The following GRIN2A variants were observed in gnomAD, a reference collection of about 807,000 sequenced individuals.
GRIN2A encodes glutamate receptor ionotropic, NMDA 2A.
Under a neutral mutation model 113.4 loss-of-function variants are expected in GRIN2A, and 22 were observed. The ratio of observed to expected loss-of-function variants is 0.19; its 90% CI spans 0.14 to 0.28. The LOEUF (loss-of-function observed/expected upper bound fraction) is 0.28. GRIN2A is among the 10% of genes least tolerant of loss of function. GRIN2A has a pLI of 1.00. For synonymous variants in GRIN2A, 827 were observed against 738.4 expected (o/e 1.12, Z -1.94); for missense variants, 1,502 against 1,887.0 (o/e 0.80, Z 3.78).
intron 2 of GRIN2A, among the ~76,000 whole-genome samples, chr16:10,069,110 G>C (rs902512135): frequency 6.6e-6 from 1 of 152,060 alleles, no homozygotes; most frequent in African/African-American, 2.4e-5. Flanking sequence ...CAGAAGAGAA[G>C]TGACCTGATC....
At chr16:9,818,126 A>G (rs2042218403) in intron 10 of GRIN2A, among the ~76,000 whole-genome samples, 1 of 152,082 alleles carries the variant, frequency 6.6e-6, no homozygotes, top group Admixed American at 6.6e-5. Flanking sequence ...AAAAGGAAAC[A>G]GGAGATGTGA....
At chr16:9,928,311 T>C (rs1264824130) in intron 3 of GRIN2A, among the ~76,000 whole-genome samples, 1 of 152,134 alleles carries the variant, frequency 6.6e-6, no homozygotes, top group East Asian at 1.9e-4. Flanking sequence ...CAGGAGAGCT[T>C]TTGGCCTATA....
intron 2 of GRIN2A, among the ~76,000 whole-genome samples, chr16:10,050,192 G>C (rs2047333730): frequency 6.6e-6 from 1 of 152,140 alleles, no homozygotes; most frequent in Non-Finnish European, 1.5e-5. Context: ...AGGGAGACAA[G>C]GACTTGAAGA....
chr16:10,150,437 G>A (rs1007001218), intron 2 of GRIN2A, among the ~76,000 whole-genome samples: 3 of 152,108 alleles, frequency 2.0e-5, no homozygotes, highest in Admixed American at 6.5e-5. Flanking sequence ...CCTGTTTTCA[G>A]GAGAAAAACA....
intron 3 of GRIN2A, among the ~76,000 whole-genome samples, chr16:9,934,211 T>C (rs1044328820): frequency 6.6e-6 from 1 of 152,196 alleles, no homozygotes; most frequent in Non-Finnish European, 1.5e-5. Context: ...TGTACTATTC[T>C]TTTTTCAATA....
At chr16:9,776,027 C>T (rs917812434) in intron 11 of GRIN2A, among the ~76,000 whole-genome samples, 3 of 152,166 alleles carry the variant, frequency 2.0e-5, no homozygotes, top group East Asian at 1.9e-4. Flanking sequence ...TTTCCTGTTC[C>T]GAGGTTATGC....
chr16:9,966,623 C>T (rs2045561191), intron 2 of GRIN2A, among the ~76,000 whole-genome samples: 1 of 152,208 alleles, frequency 6.6e-6, no homozygotes, highest in African/African-American at 2.4e-5. Flanking sequence ...ATCTATATTC[C>T]TTTCGGTATA....
intron 2 of GRIN2A, among the ~76,000 whole-genome samples, chr16:10,108,818 A>G (rs1320789763): frequency 6.6e-6 from 1 of 152,204 alleles, no homozygotes; most frequent in African/African-American, 2.4e-5. Flanking sequence ...ATAGAAGCAA[A>G]AAAAGCACAT....
At chr16:10,004,049 A>T (rs1263769973) in intron 2 of GRIN2A, among the ~76,000 whole-genome samples, 2 of 152,112 alleles carry the variant, frequency 1.3e-5, no homozygotes, top group Non-Finnish European at 1.5e-5. Context: ...AGGGAATCAA[A>T]AGGGGGCTGG....
chr16:10,172,840 A>G (rs547221267), intron 2 of GRIN2A, among the ~76,000 whole-genome samples: 32 of 152,242 alleles, frequency 2.1e-4, no homozygotes, highest in Non-Finnish European at 4.6e-4. Flanking sequence ...ATAACCTTAT[A>G]ATGTCTCATT....
At chr16:10,179,720 CACAGCCTACTTCTCAGTTTTCTG>C (rs914057128) in intron 2 of GRIN2A, 2 of 515,204 alleles carry the variant, frequency 3.9e-6, no homozygotes, top group African/African-American at 3.8e-5. Flanking sequence ...ACCACCACCC[CACAGCCTACTTCTCAGTTTTCTG>C]AGCGCTTCCT....
intron 10 of GRIN2A, among the ~76,000 whole-genome samples, chr16:9,806,249 ATTTTGAGTTTTC>A (rs1317542964): frequency 6.6e-6 from 1 of 152,172 alleles, no homozygotes; most frequent in Non-Finnish European, 1.5e-5. Context: ...AACTTCTGCC[ATTTTGAGTTTTC>A]TTTTGTGGTT....
chr16:9,810,588 G>T (rs2042067680), intron 10 of GRIN2A, among the ~76,000 whole-genome samples: 1 of 152,174 alleles, frequency 6.6e-6, no homozygotes. Flanking sequence ...CCTGGAGATG[G>T]AGGCAGAGAT....
chr16:10,160,435 C>G (rs1331784869), intron 2 of GRIN2A, among the ~76,000 whole-genome samples: 1 of 152,176 alleles, frequency 6.6e-6, no homozygotes, highest in African/African-American at 2.4e-5. Flanking sequence ...AGCAAGTACC[C>G]CAGACCTGGC....
At position 9,918,222 on chromosome 16, in the gene GRIN2A, T is replaced by C. The variant is rs78672588; in HGVS notation, c.1007+19737A>G. 9.7e-3 allele frequency among the ~76,000 whole-genome samples: 1,480 copies of C among 152,298 alleles called. 16 individuals are homozygous for C. The highest frequency in any genetic ancestry group is 0.034 in the African/African-American group (1,392 of 41,548). Reference sequence around the variant, plus strand: ...AATAAGTGGCAGAAAAAGCTGAAATTTGATTCCAAAGCCTGTGGATGTACT... The same window carrying C: ...AATAAGTGGCAGAAAAAGCTGAAATCTGATTCCAAAGCCTGTGGATGTACT... On this transcript the variant is annotated intron_variant, in intron 3 of 12. Coordinates refer to ENST00000330684, the MANE Select transcript of GRIN2A (RefSeq NM_001134407.3).
intron 2 of GRIN2A, among the ~76,000 whole-genome samples, chr16:10,042,119 C>A (rs557926778): frequency 1.3e-5 from 2 of 152,260 alleles, no homozygotes; most frequent in African/African-American, 2.4e-5. Context: ...CCCTGACCAC[C>A]AGATAACAAT....
chr16:9,897,772 C>T (rs1336468850), intron 3 of GRIN2A, among the ~76,000 whole-genome samples: 4 of 152,144 alleles, frequency 2.6e-5, no homozygotes, highest in Non-Finnish European at 5.9e-5. Flanking sequence ...TAATGAACAG[C>T]TGTTCTAGAC....
chr16:10,000,809 G>A (rs1477830353), intron 2 of GRIN2A, among the ~76,000 whole-genome samples: 1 of 152,020 alleles, frequency 6.6e-6, no homozygotes, highest in Non-Finnish European at 1.5e-5. Flanking sequence ...CTCCAGAAAT[G>A]GGTGCAATAC....
chr16:9,796,392 G>T (rs980748516), intron 11 of GRIN2A, among the ~76,000 whole-genome samples: 1 of 152,184 alleles, frequency 6.6e-6, no homozygotes, highest in Non-Finnish European at 1.5e-5. Flanking sequence ...CTGTAAGGGT[G>T]ATTATCCACC....
Sources: allele counts gnomAD v4.1 joint callset (sites outside exome capture counted in the v4.1 genomes callset), GRCh38; gene constraint gnomAD v4.1.1; transcripts MANE v1.5; gene names NCBI Gene and HGNC (gene_info 2026-07-23, HGNC 2026-07-21).